NEGR1: variants seen among roughly 807,000 people sequenced by gnomAD.
NEGR1 encodes IgLON family member 4.
Under a neutral mutation model 40.9 loss-of-function variants are expected in NEGR1, and 10 were observed. The ratio of observed to expected loss-of-function variants is 0.24; its 90% CI spans 0.15 to 0.42. NEGR1 has a LOEUF of 0.42. Ranked by LOEUF, NEGR1 falls within the 10% of genes least tolerant of loss-of-function variation. The pLI, the probability that NEGR1 is intolerant of heterozygous loss-of-function variation, is 1.00. For missense variants in NEGR1, 352 were observed against 438.9 expected, an observed-to-expected ratio of 0.80 and a Z score of 1.77; for synonymous variants, 185 against 166.8, an observed-to-expected ratio of 1.11 and a Z score of -0.84.
At chr1:72,257,738 T>G (rs755133283) in intron 1 of NEGR1, among the ~76,000 whole-genome samples, 1 of 152,148 alleles carries the variant, frequency 6.6e-6, no homozygotes, top group East Asian at 1.9e-4. Flanking sequence ...TCCTGAGAAA[T>G]GTTAACCATA....
chr1:71,495,393 C>CTT (rs1399010662), intron 6 of NEGR1, among the ~76,000 whole-genome samples: 4 of 151,420 alleles, frequency 2.6e-5, no homozygotes, highest in Admixed American at 6.6e-5. Flanking sequence ...AGGGGAATCA[C>CTT]TTGAACCTGG....
intron 1 of NEGR1, among the ~76,000 whole-genome samples, chr1:72,269,590 T>A (rs963798275): frequency 2.0e-5 from 3 of 151,736 alleles, no homozygotes; most frequent in Non-Finnish European, 3.0e-5. Context: ...TCTATGAGGT[T>A]GTTTCCCCAT....
chr1:71,428,101 C>A (rs1506449), intron 6 of NEGR1, among the ~76,000 whole-genome samples: 1 of 152,112 alleles, frequency 6.6e-6, no homozygotes, highest in Non-Finnish European at 1.5e-5. Context: ...CAGAGGAAGA[C>A]TGAGAATTCT....
intron 6 of NEGR1, among the ~76,000 whole-genome samples, chr1:71,447,814 T>C (rs1342699319): frequency 1.3e-5 from 2 of 152,214 alleles, no homozygotes; most frequent in South Asian, 2.1e-4. Context: ...CATAATTTTA[T>C]TGAGTGAATG....
chr1:71,473,297 A>G (rs2101359743), intron 6 of NEGR1, among the ~76,000 whole-genome samples: 1 of 152,252 alleles, frequency 6.6e-6, no homozygotes, highest in African/African-American at 2.4e-5. Context: ...AAGCTAACAG[A>G]AATAGGGCAT....
At chr1:71,858,345 C>T (rs1467562951) in intron 2 of NEGR1, among the ~76,000 whole-genome samples, 1 of 152,014 alleles carries the variant, frequency 6.6e-6, no homozygotes, top group Non-Finnish European at 1.5e-5. Context: ...GTTTTAAAAG[C>T]CACTATGGTT....
At chr1:71,943,355 A>T (rs1645989933) in intron 1 of NEGR1, among the ~76,000 whole-genome samples, 1 of 150,840 alleles carries the variant, frequency 6.6e-6, no homozygotes, top group Non-Finnish European at 1.5e-5. Flanking sequence ...ATACATATAT[A>T]TGTATATATA....
At chr1:71,678,743 T>G (rs1163404582) in intron 4 of NEGR1, among the ~76,000 whole-genome samples, 1 of 152,178 alleles carries the variant, frequency 6.6e-6, no homozygotes, top group East Asian at 1.9e-4. Context: ...GAGTTGGAAT[T>G]AGCCCATTAC....
intron 2 of NEGR1, among the ~76,000 whole-genome samples, chr1:71,804,450 C>T (rs1657678595): frequency 6.7e-6 from 1 of 149,816 alleles, no homozygotes; most frequent in Non-Finnish European, 1.5e-5. Context: ...TGTGGAATCA[C>T]AGTGTTGTGG....
chr1:71,671,100 C>T (rs150443796), intron 4 of NEGR1, among the ~76,000 whole-genome samples: 10 of 152,218 alleles, frequency 6.6e-5, no homozygotes, highest in African/African-American at 1.9e-4. Flanking sequence ...TTTAACTTTG[C>T]AGTAAAAGAA....
chr1:71,638,943 C>T (rs1274625065), intron 4 of NEGR1, among the ~76,000 whole-genome samples: 1 of 151,372 alleles, frequency 6.6e-6, no homozygotes, highest in African/African-American at 2.4e-5. Flanking sequence ...TTTTTAACAG[C>T]TATACTCACA....
chr1:71,798,541 G>A (rs979232595), intron 2 of NEGR1, among the ~76,000 whole-genome samples: 1 of 152,096 alleles, frequency 6.6e-6, no homozygotes, highest in Admixed American at 6.6e-5. Context: ...GCATATTAAA[G>A]AATTACATCT....
At chr1:71,721,444 G>T (rs773268566) in intron 3 of NEGR1, among the ~76,000 whole-genome samples, 8 of 151,872 alleles carry the variant, frequency 5.3e-5, no homozygotes, top group Non-Finnish European at 1.2e-4. Flanking sequence ...AGGGTGAACA[G>T]GTCATCCAAG....
At chr1:72,205,498 G>A (rs551218343) in intron 1 of NEGR1, among the ~76,000 whole-genome samples, 1 of 149,872 alleles carries the variant, frequency 6.7e-6, no homozygotes, top group Admixed American at 6.7e-5. Context: ...ATTAGAACAT[G>A]AAACTTGTTA....
intron 1 of NEGR1, among the ~76,000 whole-genome samples, chr1:72,011,960 AAG>A (rs1290162098): frequency 6.6e-6 from 1 of 152,134 alleles, no homozygotes; most frequent in African/African-American, 2.4e-5. Flanking sequence ...CAAGGCTGTG[AAG>A]AGTCTTACGT....
chr1:71,934,419 C>G (rs1038290403), intron 2 of NEGR1, among the ~76,000 whole-genome samples: 1 of 151,928 alleles, frequency 6.6e-6, no homozygotes, highest in African/African-American at 2.4e-5. Flanking sequence ...CAAATATAAA[C>G]CATTGTGTAC....
chr1:71,979,635 A>C (rs1570574382), intron 1 of NEGR1, among the ~76,000 whole-genome samples: 2 of 152,190 alleles, frequency 1.3e-5, no homozygotes, highest in African/African-American at 4.8e-5. Flanking sequence ...AAATATGGAC[A>C]TGAGAGTAAA....
At chr1:71,541,701 C>T (rs776775704) in intron 6 of NEGR1, among the ~76,000 whole-genome samples, 28 of 151,702 alleles carry the variant, frequency 1.8e-4, no homozygotes, top group African/African-American at 4.8e-4. Flanking sequence ...GTTGTCTCAG[C>T]GCTGTACTTG....
chr1:71,648,073 A>T (rs1651591523), intron 4 of NEGR1, among the ~76,000 whole-genome samples: 1 of 151,988 alleles, frequency 6.6e-6, no homozygotes, highest in Non-Finnish European at 1.5e-5. Flanking sequence ...TTGAGCCTGA[A>T]AAATATGCAG....
Sources: allele counts gnomAD v4.1 joint callset (sites outside exome capture counted in the v4.1 genomes callset), GRCh38; gene constraint gnomAD v4.1.1; transcripts MANE v1.5; gene names NCBI Gene and HGNC (gene_info 2026-07-23, HGNC 2026-07-21).